Variants in EPB42 observed in about 807,000 individuals in gnomAD.
EPB42 encodes the protein protein 4.2.
A neutral mutation model predicts 76.9 loss-of-function variants in EPB42; 49 were observed. The observed-to-expected ratio is 0.64, with a 90% CI of 0.51 to 0.81. The LOEUF is 0.81. EPB42 is among the 30% of genes least tolerant of loss of function. The probability of loss-of-function intolerance (pLI) is 0.00; values close to 1 mark genes in which losing one functional copy is unlikely to be tolerated. For missense variants in EPB42, 731 were observed against 867.6 expected, an observed-to-expected ratio of 0.84 and a Z score of 1.98; for synonymous variants, 310 against 338.4, an observed-to-expected ratio of 0.92 and a Z score of 0.92.
At position 43,206,174 on chromosome 15, in the gene EPB42, G is replaced by A; in HGVS notation, c.1618+156C>T. The A allele has an allele frequency of 1.3e-6, 1 of 759,332 alleles. No individual in the cohort carries two copies. Among genetic ancestry groups the A allele is most frequent in the Non-Finnish European group, 2.0e-6 (1 of 492,130 alleles). The allele number at this position is 759,332 out of a possible 1,614,324, so 47.0% of individuals were successfully genotyped here. A position where few individuals can be genotyped will look rare whatever the true frequency, so the allele number is the denominator to read the frequency against. ...GCTTCAGGCCCAATAAATATGTGTTGAATGAATGAATGAGAGAGAACATGA... is the reference window on the plus strand; with the variant it reads ...GCTTCAGGCCCAATAAATATGTGTTAAATGAATGAATGAGAGAGAACATGA... On this transcript the variant is annotated intron_variant, in intron 10 of 12. Coordinates refer to ENST00000441366, the MANE Select transcript of EPB42 (RefSeq NM_001114134.2). This position sits in a 1 kb window ranked among gnomAD's most constrained non-coding sequence, Gnocchi z 4.7.
Position 43,206,281 on chromosome 15 carries a change from ATGTGTG to A in EPB42, c.1618+43_1618+48del. 1 of 1,492,178 alleles carries A rather than the reference ATGTGTG, an allele frequency of 6.7e-7. No individual in the cohort carries two copies. Among genetic ancestry groups the A allele is most frequent in the Non-Finnish European group, 9.1e-7 (1 of 1,100,674 alleles). 92.4% of individuals were successfully genotyped at this position (1,492,178 alleles called of 1,614,324 possible). On this transcript the variant is annotated intron_variant, in intron 10 of 12. Transcript: ENST00000441366. The surrounding 1 kb of genome is among the most constrained non-coding windows in gnomAD (Gnocchi z 4.7). ...CTGCTGCCTGCCCAAGGCAGGGGCCATGTGTGTGTGTGTGTCGGGGGGTGTCTGGTG... is the reference window on the plus strand; with the variant it reads ...CTGCTGCCTGCCCAAGGCAGGGGCCATGTGTGTGTCGGGGGGTGTCTGGTG...
At chr15:43,214,596 G>T (rs193150220) in intron 3 of EPB42, among the ~76,000 whole-genome samples, 8 of 152,276 alleles carry the variant, frequency 5.3e-5, no homozygotes, top group Non-Finnish European at 8.8e-5. Flanking sequence ...AATTCAAAAT[G>T]GTATATTCTT....
At chr15:43,218,564 G>C (rs902365807) in intron 1 of EPB42, among the ~76,000 whole-genome samples, 1 of 152,116 alleles carries the variant, frequency 6.6e-6, no homozygotes, top group African/African-American at 2.4e-5. Context: ...TTCACTGTGA[G>C]CTCCCCAAGA....
intron 3 of EPB42, among the ~76,000 whole-genome samples, chr15:43,212,531 C>T (rs2042317186): frequency 6.6e-6 from 1 of 150,828 alleles, no homozygotes; most frequent in South Asian, 2.1e-4. Flanking sequence ...ACAGGTGTTT[C>T]AGAAAAAAGA....
Position 43,197,384 on chromosome 15 carries a change from G to T in EPB42, c.1994C>A (p.Thr665Asn). The T allele has an allele frequency of 6.2e-7, 1 of 1,614,190 alleles. No individual in the cohort carries two copies. The highest frequency in any genetic ancestry group is 8.5e-7 in the Non-Finnish European group (1 of 1,180,036). Residue 665 changes from threonine to asparagine, a missense_variant, in exon 13 of 13, where the codon ACT becomes AAT. Thr to Asn is a moderately conservative substitution (Grantham distance 65, BLOSUM62 0). Coordinates refer to ENST00000441366, the MANE Select transcript of EPB42 (RefSeq NM_001114134.2). Reference sequence around the variant, plus strand: ...GAACATGTTGCAGTCCACTTCCACAGTGAGTCTCTGGAGCCCCACATGTGT... The same window carrying T: ...GAACATGTTGCAGTCCACTTCCACATTGAGTCTCTGGAGCCCCACATGTGT... ...TPTHVGLQRL[T>N]VEVDCNMFQN...
At chr15:43,222,903 CTT>C (rs542184135), upstream of EPB42, among the ~76,000 whole-genome samples, 1 of 152,290 alleles carries the variant, frequency 6.6e-6, no homozygotes, top group African/African-American at 2.4e-5. Context: ...AAATGAGACA[CTT>C]CTTCTTAAGT....
intron 12 of EPB42, among the ~76,000 whole-genome samples, chr15:43,200,828 T>TG (rs1567270458): frequency 1.3e-5 from 2 of 151,394 alleles, no homozygotes; most frequent in African/African-American, 2.4e-5. Flanking sequence ...TTTTTTTTTT[T>TG]TTTTGAGATG....
intron 1 of EPB42, 53 bp downstream of exon 1, chr15:43,220,762 CT>C: frequency 6.2e-7 from 1 of 1,611,876 alleles, no homozygotes; most frequent in South Asian, 1.1e-5. Flanking sequence ...ACAGGTGATG[CT>C]GCGGGGGCTG....
At chr15:43,224,714 G>T (rs2042492330), upstream of EPB42, among the ~76,000 whole-genome samples, 1 of 152,184 alleles carries the variant, frequency 6.6e-6, no homozygotes, top group Non-Finnish European at 1.5e-5. Flanking sequence ...ATACATAAAG[G>T]TGAAAAAGAA....
rs1429494950 is a variant in EPB42 at position 43,207,253 on chromosome 15, C to G, written c.1264G>C (p.Gly422Arg). ...KYVGNNISTK[G>R]VGSDRCEDIT... ...TCCTCGCAGCGGTCACTGCCCACAC[C>G]CTTGGTGCTGATGTTGTTGCCAACA... The change falls in exon 9 of 13, where the codon GGT becomes CGT. Residue 422 changes from glycine (G) to arginine (R), a missense_variant. By Grantham distance (125) the Gly-to-Arg change is moderately radical. Coordinates refer to ENST00000441366, the MANE Select transcript of EPB42 (RefSeq NM_001114134.2). The G allele has an allele frequency of 6.2e-7, 1 of 1,613,970 alleles. No individual in the cohort carries two copies. The highest frequency in any genetic ancestry group is 2.2e-5 in the East Asian group (1 of 44,886).
intron 12 of EPB42, among the ~76,000 whole-genome samples, chr15:43,198,486 A>G (rs1298258256): frequency 6.6e-6 from 1 of 152,204 alleles, no homozygotes; most frequent in Non-Finnish European, 1.5e-5. Context: ...CTGGTGGAAG[A>G]AATTTCTAAG....
chr15:43,216,115 G>A (rs555664685), intron 2 of EPB42, among the ~76,000 whole-genome samples, 153 bp downstream of exon 2: 1 of 152,348 alleles, frequency 6.6e-6, no homozygotes, highest in African/African-American at 2.4e-5. Context: ...TAATCTCGTG[G>A]CACCCTCATG....
chr15:43,219,214 A>G (rs1191780908), intron 1 of EPB42, among the ~76,000 whole-genome samples: 3 of 152,168 alleles, frequency 2.0e-5, no homozygotes, highest in Non-Finnish European at 4.4e-5. Flanking sequence ...GCACATCATC[A>G]TGTGGTTTTT....
chr15:43,225,690 C>T (rs1201486514), upstream of EPB42, among the ~76,000 whole-genome samples: 1 of 152,208 alleles, frequency 6.6e-6, no homozygotes, highest in Non-Finnish European at 1.5e-5. Context: ...AGCTATTTCT[C>T]TGTCAAGTGT....
chr15:43,201,853 C>T lies in EPB42; in HGVS notation c.1904G>A (p.Arg635Lys). ...ILGRGLIHRE[R>K]SYRFRSVWPE... is the part of the protein sequence containing the mutation. Reference sequence around the variant, plus strand: ...GCCTGCCATCACTTACCTGTAGCTCCTCTCTCTGTGAATGAGCCCCCTTCC... The same window carrying T: ...GCCTGCCATCACTTACCTGTAGCTCTTCTCTCTGTGAATGAGCCCCCTTCC... Residue 635 changes from arginine (R) to lysine (K), a missense_variant, in exon 12 of 13, where the codon AGG becomes AAG. Transcript: ENST00000441366. 2 of 1,614,192 alleles carry T rather than the reference C, an allele frequency of 1.2e-6. No homozygotes were observed. Among genetic ancestry groups the T allele is most frequent in the East Asian group, 2.2e-5 (1 of 44,888 alleles).
chr15:43,215,699 T>C (rs1488080861), intron 2 of EPB42, among the ~76,000 whole-genome samples: 1 of 152,122 alleles, frequency 6.6e-6, no homozygotes, highest in African/African-American at 2.4e-5. Flanking sequence ...ATTTTCTTTT[T>C]CTTTCTTTCT....
At chr15:43,208,832 G>A in intron 6 of EPB42, 57 bp from the exon 7 acceptor site, 1 of 1,582,330 alleles carries the variant, frequency 6.3e-7, no homozygotes, top group South Asian at 1.1e-5. Flanking sequence ...CTGGGGGCGT[G>A]TGGGAGGCTA....
Position 43,206,300 on chromosome 15 carries a change from G to A in EPB42, c.1618+30C>T. ...GGGGCCATGTGTGTGTGTGTGTCGGGGGGTGTCTGGTGGGGCCATAGAGCA... is the reference window on the plus strand; with the variant it reads ...GGGGCCATGTGTGTGTGTGTGTCGGAGGGTGTCTGGTGGGGCCATAGAGCA... On this transcript the variant is annotated intron_variant, in intron 10 of 12. Transcript: ENST00000441366. The surrounding 1 kb of genome is among the most constrained non-coding windows in gnomAD (Gnocchi z 4.7). The A allele has an allele frequency of 6.3e-7, 1 of 1,586,076 alleles. No homozygotes were observed. Among genetic ancestry groups the A allele is most frequent in the Non-Finnish European group, 8.6e-7 (1 of 1,162,134 alleles).
chr15:43,225,345 T>C (rs2042498561), upstream of EPB42, among the ~76,000 whole-genome samples: 1 of 152,238 alleles, frequency 6.6e-6, no homozygotes, highest in Non-Finnish European at 1.5e-5. Context: ...GAAAGAAAAG[T>C]CTGGCTGAAA....
Sources: allele counts gnomAD v4.1 joint callset (sites outside exome capture counted in the v4.1 genomes callset), GRCh38; gene constraint gnomAD v4.1.1; non-coding constraint Gnocchi (gnomAD v3.1); transcripts MANE v1.5; gene names NCBI Gene and HGNC (gene_info 2026-07-23, HGNC 2026-07-21).